The following PCNX2 variants were observed in gnomAD, a reference collection of about 807,000 sequenced individuals.
The protein encoded by PCNX2 is pecanex-like protein 2.
A neutral mutation model predicts 223.8 loss-of-function variants in PCNX2; 168 were observed. That is an observed-to-expected ratio of 0.75 (90% CI 0.66 to 0.85). PCNX2 has a LOEUF of 0.85. Ranked by LOEUF, PCNX2 falls within the 40% of genes least tolerant of loss-of-function variation. The probability of loss-of-function intolerance (pLI) is 0.00; values close to 1 mark genes in which losing one functional copy is unlikely to be tolerated. For missense variants in PCNX2, 2,507 were observed against 2,675.5 expected (o/e 0.94, Z 1.39); for synonymous variants, 1,006 against 1,052.6 (o/e 0.96, Z 0.86).
At chr1:233,098,518 T>G (rs955821958) in intron 21 of PCNX2, among the ~76,000 whole-genome samples, 1 of 152,184 alleles carries the variant, frequency 6.6e-6, no homozygotes, top group African/African-American at 2.4e-5. Flanking sequence ...ATGCCTTCTT[T>G]TTTTTTTCAT....
At chr1:233,252,216 A>C in intron 7 of PCNX2, 138 bp downstream of exon 7, 2 of 1,000,976 alleles carry the variant, frequency 2.0e-6, no homozygotes, top group African/African-American at 3.3e-5. Flanking sequence ...CTCCATTCAA[A>C]GAACAGTATG....
chr1:233,065,516 C>T (rs147387695), intron 23 of PCNX2: 19 of 152,082 alleles, frequency 1.2e-4, no homozygotes, highest in East Asian at 3.9e-4. Flanking sequence ...CTTGGTACAA[C>T]GAAAACCCTG....
At chr1:233,177,986 C>A in intron 16 of PCNX2, 88 bp from the exon 17 acceptor site, 1 of 962,316 alleles carries the variant, frequency 1.0e-6, no homozygotes, top group Non-Finnish European at 1.6e-6. Context: ...CTCACACCCA[C>A]ACATGACAAA....
At chr1:233,232,783 C>T in intron 9 of PCNX2, 1 of 984,394 alleles carries the variant, frequency 1.0e-6, no homozygotes, top group Non-Finnish European at 1.2e-6. Flanking sequence ...TCAGCCAGGC[C>T]TAGCACTGTG....
intron 21 of PCNX2, among the ~76,000 whole-genome samples, chr1:233,122,366 C>A (rs115641364): frequency 0.014 from 2,199 of 152,138 alleles, 51 homozygotes; most frequent in African/African-American, 0.049. Flanking sequence ...ACTTCCCATT[C>A]CTTCAATGTG....
At chr1:233,246,426 C>A (rs1659128449) in intron 8 of PCNX2, among the ~76,000 whole-genome samples, 1 of 152,222 alleles carries the variant, frequency 6.6e-6, no homozygotes, top group African/African-American at 2.4e-5. Flanking sequence ...GGGAGACTCA[C>A]CTGTCCACTG....
At chr1:233,300,868 G>A in the PCNX2 span, among the ~76,000 whole-genome samples, 152 of 152,272 alleles carry the variant, frequency 1.0e-3, 1 homozygote, top group African/African-American at 3.5e-3. Flanking sequence ...CTTGCACCAT[G>A]TAGCTCAAGA....
chr1:232,986,498 G>T lies in PCNX2; in HGVS notation c.5834C>A (p.Ala1945Glu). ...GRSQSVQAHS[A>E]LSQRPPMLSS... ...CAGCATGGGCGGCCTTTGGCTTAGC[G>T]CTGAGTGTGCCTGCACGGACTGGCT... The change falls in exon 33 of 34, where the codon GCG becomes GAG. Residue 1945 changes from alanine to glutamate, a missense_variant. Around this residue, in one of 3 missense-constraint regions of PCNX2, gnomAD observed 1,372 missense variants for 1,509.4 expected, o/e 0.91. Transcript: ENST00000258229. The T allele has an allele frequency of 6.3e-7, 1 of 1,579,640 alleles. No individual in the cohort carries two copies. The highest frequency in any genetic ancestry group is 2.3e-5 in the East Asian group (1 of 44,334).
chr1:233,325,593 G>A, the PCNX2 span, among the ~76,000 whole-genome samples: 1 of 151,714 alleles, frequency 6.6e-6, no homozygotes, highest in Non-Finnish European at 1.5e-5. Flanking sequence ...GGAGAATGCC[G>A]CGAACCCAGG....
intron 25 of PCNX2, among the ~76,000 whole-genome samples, chr1:233,031,499 G>A (rs1671262723): frequency 6.6e-6 from 1 of 152,202 alleles, no homozygotes; most frequent in South Asian, 2.1e-4. Flanking sequence ...CCTTACATAT[G>A]GTGGCAGATA....
chr1:233,135,383 T>C (rs967156580), intron 20 of PCNX2, among the ~76,000 whole-genome samples, 193 bp from the exon 21 acceptor site: 1 of 152,210 alleles, frequency 6.6e-6, no homozygotes, highest in African/African-American at 2.4e-5. Context: ...TTGAGGAACT[T>C]GTCTAAGGTC....
chr1:233,255,590 T>C (rs1323324189), intron 5 of PCNX2, among the ~76,000 whole-genome samples: 1 of 152,148 alleles, frequency 6.6e-6, no homozygotes, highest in Non-Finnish European at 1.5e-5. Flanking sequence ...TTTTCAAAAG[T>C]GTGTGGTTTT....
chr1:233,327,166 C>G, the PCNX2 span, among the ~76,000 whole-genome samples: 1 of 152,232 alleles, frequency 6.6e-6, no homozygotes, highest in Non-Finnish European at 1.5e-5. Flanking sequence ...CACCCTAAAG[C>G]CCCACATCTT....
chr1:233,040,515 T>G (rs568856384), intron 25 of PCNX2, among the ~76,000 whole-genome samples: 1 of 151,908 alleles, frequency 6.6e-6, no homozygotes, highest in Admixed American at 6.6e-5. Context: ...CTTTCACACA[T>G]GTCTCCCACC....
chr1:233,063,566 T>C (rs1262406689), intron 23 of PCNX2, among the ~76,000 whole-genome samples: 3 of 152,174 alleles, frequency 2.0e-5, no homozygotes, highest in African/African-American at 7.2e-5. Context: ...TTTAAAGATC[T>C]TTTTTGATAT....
chr1:233,061,669 T>C (rs1001717846), intron 23 of PCNX2, among the ~76,000 whole-genome samples: 7 of 152,224 alleles, frequency 4.6e-5, no homozygotes, highest in Non-Finnish European at 7.3e-5. Flanking sequence ...TTCAGTACTT[T>C]GAAGGTTTTG....
chr1:233,299,602 A>G (rs778352158), upstream of PCNX2, among the ~76,000 whole-genome samples: 1 of 152,232 alleles, frequency 6.6e-6, no homozygotes, highest in Non-Finnish European at 1.5e-5. Context: ...AGATAGATCC[A>G]TGGCAGGGCA....
chr1:233,106,937 A>C (rs1451711853), intron 21 of PCNX2, among the ~76,000 whole-genome samples: 3 of 152,158 alleles, frequency 2.0e-5, no homozygotes, highest in African/African-American at 7.2e-5. Context: ...TGGTTCAGGT[A>C]GTGATTTTTC....
chr1:233,092,672 C>A (rs1212682634), intron 22 of PCNX2, among the ~76,000 whole-genome samples: 1 of 152,190 alleles, frequency 6.6e-6, no homozygotes, highest in African/African-American at 2.4e-5. Context: ...CTAAGAGGAG[C>A]AGGCACATAA....
Sources: allele counts gnomAD v4.1 joint callset (sites outside exome capture counted in the v4.1 genomes callset), GRCh38; gene constraint gnomAD v4.1.1; regional missense constraint gnomAD v4.1.1; transcripts MANE v1.5; gene names NCBI Gene and HGNC (gene_info 2026-07-23, HGNC 2026-07-21).